Variants in CSMD1 observed in about 807,000 individuals in gnomAD.
The protein encoded by CSMD1 is CUB and Sushi multiple domains 1.
CSMD1 carries 213 observed loss-of-function variants against 417.5 expected under a neutral mutation model. That is an observed-to-expected ratio of 0.51 (90% confidence interval 0.46 to 0.57). The LOEUF is 0.57. CSMD1 is among the 20% of genes least tolerant of loss of function. The probability of loss-of-function intolerance (pLI) is 0.00; values close to 1 mark genes in which losing one functional copy is unlikely to be tolerated. For missense variants in CSMD1, 6,923 were observed against 4,529.7 expected, an observed-to-expected ratio of 1.53 and a Z score of -15.17; for synonymous variants, 2,862 against 1,736.8, an observed-to-expected ratio of 1.65 and a Z score of -16.11.
At chr8:3,816,103 G>C (rs543941905) in intron 5 of CSMD1, among the ~76,000 whole-genome samples, 1 of 152,130 alleles carries the variant, frequency 6.6e-6, no homozygotes, top group South Asian at 2.1e-4. Flanking sequence ...TCACCTTTAG[G>C]TCTCTATCTC....
intron 25 of CSMD1, among the ~76,000 whole-genome samples, chr8:3,296,396 A>T (rs1369028138): frequency 6.6e-6 from 1 of 152,080 alleles, no homozygotes; most frequent in Admixed American, 6.5e-5. Context: ...GCAGAGAAGA[A>T]TGGGGGTTGT....
At chr8:4,113,893 C>G (rs1363541852) in intron 3 of CSMD1, among the ~76,000 whole-genome samples, 1 of 152,124 alleles carries the variant, frequency 6.6e-6, no homozygotes. Context: ...AAGGAAGTTG[C>G]AGAAGAAAAC....
In CSMD1 at chr8:3,406,613, C is replaced by T. The variant is rs193022764; in HGVS notation, c.2072-392G>A. On this transcript the variant is annotated intron_variant, in intron 14 of 69. Transcript: ENST00000635120. ...TCTGACATTGGGCATATGACTCTGACGCTCTAAGCCTAGCTATCTTTATTT... is the reference window on the plus strand; with the variant it reads ...TCTGACATTGGGCATATGACTCTGATGCTCTAAGCCTAGCTATCTTTATTT... 7.3e-4 allele frequency among the ~76,000 whole-genome samples: 111 copies of T among 152,202 alleles called. 1 individual carries two copies. The highest frequency in any genetic ancestry group is 3.4e-3 in the Middle Eastern group (1 of 294).
chr8:4,884,368 T>A (rs1009296924), intron 1 of CSMD1, among the ~76,000 whole-genome samples: 2 of 152,030 alleles, frequency 1.3e-5, no homozygotes, highest in African/African-American at 4.8e-5. Context: ...GTACAACGTT[T>A]AGAGTTTTGA....
At chr8:3,199,859 G>T (rs1432698345) in intron 32 of CSMD1, 50 bp from the exon 33 acceptor site, 4 of 1,138,548 alleles carry the variant, frequency 3.5e-6, no homozygotes, top group African/African-American at 1.6e-5. Context: ...CACCGTGGGG[G>T]ACGGTAGTAT....
chr8:3,954,296 G>C (rs1245579225), intron 5 of CSMD1, among the ~76,000 whole-genome samples: 2 of 152,202 alleles, frequency 1.3e-5, no homozygotes, highest in African/African-American at 4.8e-5. Context: ...GTGCGCTTGG[G>C]AGAGACCAGG....
At chr8:4,855,879 G>T (rs1473421120) in intron 1 of CSMD1, among the ~76,000 whole-genome samples, 1 of 150,196 alleles carries the variant, frequency 6.7e-6, no homozygotes, top group Non-Finnish European at 1.5e-5. Context: ...ATCTAGCAAG[G>T]CAGGCCAACG....
In CSMD1 at chr8:4,512,008, C is replaced by A. The variant is rs1046668552; in HGVS notation, c.303-91943G>T. 3.9e-5 allele frequency among the ~76,000 whole-genome samples: 6 copies of A among 152,216 alleles called. No homozygotes were observed. In the South Asian group the frequency reaches 1.2e-3, roughly 32 times the overall value. ...CCAAAAAAAGAAAACTGCAGACCAT[C>A]GTTTCTCATGGACATGGTTGCAAAA... On this transcript the variant is annotated intron_variant, in intron 2 of 69. Transcript: ENST00000635120.
chr8:3,669,895 T>G (rs367714790), intron 7 of CSMD1, among the ~76,000 whole-genome samples: 34 of 152,266 alleles, frequency 2.2e-4, no homozygotes, highest in African/African-American at 7.9e-4. Context: ...CCTTCCTTCT[T>G]CTTTCTTAAC....
chr8:4,479,188 T>G (rs1800957809), intron 2 of CSMD1, among the ~76,000 whole-genome samples: 3 of 152,212 alleles, frequency 2.0e-5, no homozygotes, highest in Admixed American at 2.0e-4. Flanking sequence ...TCCACAACCT[T>G]GAAATGTCTT....
chr8:4,044,606 T>G (rs1019178811), intron 3 of CSMD1, among the ~76,000 whole-genome samples: 5 of 152,288 alleles, frequency 3.3e-5, no homozygotes, highest in African/African-American at 1.2e-4. Context: ...GGTCTCATTT[T>G]CTTCTCTCGT....
intron 52 of CSMD1, among the ~76,000 whole-genome samples, chr8:3,007,930 A>G (rs1808076838): frequency 6.6e-6 from 1 of 152,050 alleles, no homozygotes; most frequent in Non-Finnish European, 1.5e-5. Context: ...ATAATAAAAG[A>G]AAAAAAACTT....
chr8:3,293,975 T>C (rs1288323103), intron 25 of CSMD1, among the ~76,000 whole-genome samples: 1 of 152,116 alleles, frequency 6.6e-6, no homozygotes, highest in Non-Finnish European at 1.5e-5. Flanking sequence ...CTTTGGTCTT[T>C]GATGATGATG....
At chr8:4,037,796 G>A (rs1342171356) in intron 3 of CSMD1, among the ~76,000 whole-genome samples, 1 of 151,922 alleles carries the variant, frequency 6.6e-6, no homozygotes, top group African/African-American at 2.4e-5. Context: ...AACCATTCCA[G>A]GTTGGAATTG....
chr8:3,120,482 T>A (rs530485596), intron 41 of CSMD1, among the ~76,000 whole-genome samples: 1 of 152,264 alleles, frequency 6.6e-6, no homozygotes, highest in East Asian at 1.9e-4. Flanking sequence ...CATAGAGCCA[T>A]GAGGTTTCGT....
intron 12 of CSMD1, among the ~76,000 whole-genome samples, chr8:3,448,727 T>A (rs1815495387): frequency 6.6e-6 from 1 of 152,118 alleles, no homozygotes; most frequent in Non-Finnish European, 1.5e-5. Context: ...CTGAGCTCAC[T>A]CCTGCACACC....
intron 2 of CSMD1, among the ~76,000 whole-genome samples, chr8:4,483,781 T>G (rs1183055928): frequency 6.6e-6 from 1 of 152,226 alleles, no homozygotes; most frequent in Admixed American, 6.5e-5. Flanking sequence ...GGTTTACCAT[T>G]TAAAATTTTA....
chr8:4,920,384 C>T (rs952189807), intron 1 of CSMD1, among the ~76,000 whole-genome samples: 2 of 152,290 alleles, frequency 1.3e-5, no homozygotes, highest in South Asian at 4.1e-4. Flanking sequence ...TATGGAAATG[C>T]TGGCAGTATA....
At chr8:4,337,943 A>C (rs560138276) in intron 3 of CSMD1, among the ~76,000 whole-genome samples, 1 of 152,152 alleles carries the variant, frequency 6.6e-6, no homozygotes, top group African/African-American at 2.4e-5. Context: ...ATGATATCGC[A>C]TTTCTCAACC....
Sources: allele counts gnomAD v4.1 joint callset (sites outside exome capture counted in the v4.1 genomes callset), GRCh38; gene constraint gnomAD v4.1.1; transcripts MANE v1.5; gene names NCBI Gene and HGNC (gene_info 2026-07-23, HGNC 2026-07-21).